Variants in KLHL8 observed in about 807,000 individuals in gnomAD.
The protein encoded by KLHL8 is kelch-like protein 8.
In KLHL8, 38 loss-of-function variants were observed where a neutral mutation model predicts 63.5. That is an observed-to-expected ratio of 0.60 (90% CI 0.46 to 0.78). The LOEUF is 0.78. Ranked by LOEUF, KLHL8 falls within the 30% of genes least tolerant of loss-of-function variation. The pLI is 0.00. For missense variants in KLHL8, 566 were observed against 752.4 expected (o/e 0.75, Z 2.90); for synonymous variants, 224 against 254.3 (o/e 0.88, Z 1.13).
intron 8 of KLHL8, among the ~76,000 whole-genome samples, chr4:87,164,665 T>C (rs1016315454): frequency 1.3e-5 from 2 of 152,230 alleles, no homozygotes; most frequent in Non-Finnish European, 2.9e-5. Context: ...GTCCTTTCTA[T>C]AGCTCATTCT....
intron 5 of KLHL8, among the ~76,000 whole-genome samples, chr4:87,178,147 TAATC>T (rs1325304228): frequency 6.6e-6 from 1 of 152,188 alleles, no homozygotes; most frequent in Non-Finnish European, 1.5e-5. Context: ...ATTGTACTAA[TAATC>T]ATTAATTTTA....
upstream of KLHL8, among the ~76,000 whole-genome samples, chr4:87,222,295 T>TC (rs1344823304): frequency 1.3e-5 from 2 of 152,158 alleles, no homozygotes; most frequent in Non-Finnish European, 2.9e-5. Flanking sequence ...TTCCCCATTT[T>TC]CCCCTAAAAG....
chr4:87,214,876 G>T (rs949935301), intron 1 of KLHL8, among the ~76,000 whole-genome samples: 8 of 151,982 alleles, frequency 5.3e-5, no homozygotes, highest in Non-Finnish European at 8.8e-5. Flanking sequence ...TCAGCTCACT[G>T]CAGCCTCCTC....
chr4:87,165,050 G>A (rs917438554), intron 8 of KLHL8, among the ~76,000 whole-genome samples: 1 of 150,948 alleles, frequency 6.6e-6, no homozygotes, highest in African/African-American at 2.4e-5. Flanking sequence ...TCGGGAGGCT[G>A]AGGCAGGACA....
upstream of KLHL8, among the ~76,000 whole-genome samples, chr4:87,225,192 A>C (rs1732951327): frequency 6.6e-6 from 1 of 152,096 alleles, no homozygotes; most frequent in Non-Finnish European, 1.5e-5. Flanking sequence ...ATCTAGTATT[A>C]ACTTAGAAAA....
At chr4:87,205,876 C>T (rs28390247) in intron 1 of KLHL8, among the ~76,000 whole-genome samples, 12,040 of 152,180 alleles carry the variant, frequency 0.079, 645 homozygotes, top group Non-Finnish European at 0.12. Flanking sequence ...AGGATGTGAA[C>T]CTAGGCAGCA....
intron 4 of KLHL8, among the ~76,000 whole-genome samples, chr4:87,182,617 AG>A (rs1731098447): frequency 6.6e-6 from 1 of 152,190 alleles, no homozygotes; most frequent in African/African-American, 2.4e-5. Context: ...TCAAAAAAAA[AG>A]AAGCGAACAT....
chr4:87,225,049 C>T (rs1552145), upstream of KLHL8, among the ~76,000 whole-genome samples: 38,390 of 151,910 alleles, frequency 0.25, 5,383 homozygotes, highest in Non-Finnish European at 0.31. Flanking sequence ...CCTTAGCCTT[C>T]GGAGTGGCTG....
At chr4:87,215,347 T>C (rs1732556354) in intron 1 of KLHL8, among the ~76,000 whole-genome samples, 1 of 152,236 alleles carries the variant, frequency 6.6e-6, no homozygotes, top group Admixed American at 6.5e-5. Context: ...CTACTACTAA[T>C]CTTTGAGGTC....
At chr4:87,178,963 T>C (rs1397377640) in intron 4 of KLHL8, among the ~76,000 whole-genome samples, 1 of 152,212 alleles carries the variant, frequency 6.6e-6, no homozygotes, top group East Asian at 1.9e-4. Context: ...ATCCCATTTT[T>C]TGGGAAACAT....
chr4:87,193,736 G>A (rs918499357), intron 2 of KLHL8, among the ~76,000 whole-genome samples: 8 of 152,192 alleles, frequency 5.3e-5, no homozygotes, highest in African/African-American at 1.9e-4. Context: ...AAGCATGTGA[G>A]TAAAGCACTG....
chr4:87,213,175 T>C (rs1315269609), intron 1 of KLHL8, among the ~76,000 whole-genome samples: 1 of 152,198 alleles, frequency 6.6e-6, no homozygotes, highest in Non-Finnish European at 1.5e-5. Context: ...TTTATCACAA[T>C]CATAGTGGTC....
At chr4:87,211,637 C>T (rs1732410567) in intron 1 of KLHL8, among the ~76,000 whole-genome samples, 2 of 152,076 alleles carry the variant, frequency 1.3e-5, no homozygotes, top group South Asian at 2.1e-4. Flanking sequence ...ACAAAAAATA[C>T]AAAAATTAGC....
At chr4:87,221,565 C>G (rs964393460), upstream of KLHL8, among the ~76,000 whole-genome samples, 1 of 151,894 alleles carries the variant, frequency 6.6e-6, no homozygotes, top group Non-Finnish European at 1.5e-5. Flanking sequence ...TTTTGCCAGA[C>G]TAACCTCAAA....
intron 1 of KLHL8, among the ~76,000 whole-genome samples, chr4:87,205,402 G>A (rs1237238215): frequency 8.7e-6 from 1 of 115,172 alleles, no homozygotes; most frequent in Non-Finnish European, 1.8e-5. Context: ...GTAAGATTCT[G>A]ACTCAAGAAA....
chr4:87,181,608 T>A (rs1253043728), intron 4 of KLHL8, among the ~76,000 whole-genome samples: 1 of 151,382 alleles, frequency 6.6e-6, no homozygotes, highest in Non-Finnish European at 1.5e-5. Flanking sequence ...AAAAAAAAAC[T>A]AAAATAGAAG....
chr4:87,199,666 A>AC (rs1491244172), intron 1 of KLHL8, among the ~76,000 whole-genome samples: 2 of 35,276 alleles, frequency 5.7e-5, no homozygotes, highest in Non-Finnish European at 1.3e-4. Flanking sequence ...AAAAAAAAAC[A>AC]AAAAAAAAAA....
chr4:87,167,625 G>C (rs1730453196), intron 8 of KLHL8: 2 of 473,920 alleles, frequency 4.2e-6, no homozygotes, highest in Admixed American at 2.4e-5. Context: ...GCTGCAGATG[G>C]CTCATTCCTT....
At chr4:87,186,045 ATT>A (rs574394669) in intron 2 of KLHL8, among the ~76,000 whole-genome samples, 7 of 149,122 alleles carry the variant, frequency 4.7e-5, no homozygotes, top group African/African-American at 1.7e-4. Flanking sequence ...TTAAAAAAAA[ATT>A]TTTTTTTTTG....
Sources: gnomAD v4.1 joint callset for allele counts (sites outside exome capture counted in the v4.1 genomes callset) on GRCh38, gnomAD v4.1.1 for gene constraint, MANE v1.5 for transcripts, NCBI Gene and HGNC (gene_info 2026-07-23, HGNC 2026-07-21) for gene names.